The following IQCK variants were observed in gnomAD, a reference collection of about 807,000 sequenced individuals.
IQCK encodes IQ motif containing K.
Under a neutral mutation model 28.1 loss-of-function variants are expected in IQCK, and 29 were observed. That is an observed-to-expected ratio of 1.03 (90% confidence interval 0.77 to 1.41). The LOEUF is 1.41. Among genes scored for constraint, IQCK ranks in the 40% most tolerant of loss-of-function variants. The pLI is 0.00. For missense variants in IQCK, 359 were observed against 314.7 expected, an observed-to-expected ratio of 1.14 and a Z score of -1.07; for synonymous variants, 113 against 115.1, an observed-to-expected ratio of 0.98 and a Z score of 0.12.
intron 4 of IQCK, 43 bp downstream of exon 4, chr16:19,735,493 C>G (rs770352550): frequency 7.2e-7 from 1 of 1,395,806 alleles, no homozygotes; most frequent in South Asian, 1.2e-5. Context: ...GATTCTCAAT[C>G]ATTCATTATT....
chr16:19,758,536 T>C (rs1469064376), intron 4 of IQCK, among the ~76,000 whole-genome samples: 8 of 152,242 alleles, frequency 5.3e-5, no homozygotes, highest in Admixed American at 2.6e-4. Flanking sequence ...ATGCATCTTT[T>C]GTAGGGCGGG....
chr16:19,761,659 G>A (rs1486995958), intron 4 of IQCK: 2 of 285,144 alleles, frequency 7.0e-6, no homozygotes, highest in Admixed American at 9.3e-5. Context: ...AACTTGAAAT[G>A]GAAATAGAAG....
chr16:19,729,585 A>T (rs946798863), intron 1 of IQCK, among the ~76,000 whole-genome samples: 2 of 152,078 alleles, frequency 1.3e-5, no homozygotes, highest in Non-Finnish European at 2.9e-5. Context: ...CGACTCTTTC[A>T]TGTAAGAGAC....
At position 19,729,593 on chromosome 16, in the gene IQCK, G is replaced by C. The variant is rs190899282; in HGVS notation, c.182-837G>C. On this transcript the variant is annotated intron_variant, in intron 1 of 7. Transcript: ENST00000564186. ...AAAGCGTCGACTCTTTCATGTAAGAGACCAACCATCTCTTACCGACTTTAT... is the reference window on the plus strand; with the variant it reads ...AAAGCGTCGACTCTTTCATGTAAGACACCAACCATCTCTTACCGACTTTAT... 1.9e-3 allele frequency among the ~76,000 whole-genome samples: 294 copies of C among 151,976 alleles called. 2 individuals carry two copies. The highest frequency in any genetic ancestry group is 6.2e-3 in the African/African-American group (259 of 41,480).
intron 7 of IQCK, among the ~76,000 whole-genome samples, chr16:19,812,745 A>G (rs1229778233): frequency 6.6e-6 from 1 of 152,224 alleles, no homozygotes; most frequent in African/African-American, 2.4e-5. Flanking sequence ...AAGAGTGGCA[A>G]TTTGAGACTA....
chr16:19,830,302 ATTC>A (rs1292553177), downstream of IQCK, among the ~76,000 whole-genome samples: 1 of 152,108 alleles, frequency 6.6e-6, no homozygotes, highest in Non-Finnish European at 1.5e-5. Flanking sequence ...GTTGGTCTGT[ATTC>A]TTTGGATTTG....
intron 2 of IQCK, among the ~76,000 whole-genome samples, chr16:19,732,904 TATG>T (rs1977886363): frequency 6.6e-6 from 1 of 152,222 alleles, no homozygotes; most frequent in Non-Finnish European, 1.5e-5. Flanking sequence ...AACACAGCTT[TATG>T]ATATCGAAGG....
At chr16:19,831,597 C>T (rs191268226), downstream of IQCK, among the ~76,000 whole-genome samples, 3 of 151,792 alleles carry the variant, frequency 2.0e-5, no homozygotes, top group East Asian at 3.9e-4. Flanking sequence ...GCTAGTTCTC[C>T]TTTAGACTTG....
intron 7 of IQCK, among the ~76,000 whole-genome samples, chr16:19,814,376 G>A (rs1340807611): frequency 6.6e-6 from 1 of 152,028 alleles, no homozygotes; most frequent in Non-Finnish European, 1.5e-5. Flanking sequence ...TCGCACTCCA[G>A]CCTGGGTGAC....
At chr16:19,817,771 C>A (rs2056009316) in intron 7 of IQCK, among the ~76,000 whole-genome samples, 1 of 152,180 alleles carries the variant, frequency 6.6e-6, no homozygotes, top group African/African-American at 2.4e-5. Flanking sequence ...TAAAACAATA[C>A]ATGCTCATTG....
chr16:19,772,088 T>G (rs1423090479), intron 6 of IQCK, among the ~76,000 whole-genome samples: 1 of 152,166 alleles, frequency 6.6e-6, no homozygotes, highest in Non-Finnish European at 1.5e-5. Flanking sequence ...GCAAAGCTAC[T>G]CTAGTAAAAG....
At chr16:19,738,153 C>T (rs1371712573) in intron 4 of IQCK, among the ~76,000 whole-genome samples, 1 of 152,172 alleles carries the variant, frequency 6.6e-6, no homozygotes, top group Non-Finnish European at 1.5e-5. Flanking sequence ...GTCAATGCTA[C>T]CCAATGCCTA....
chr16:19,784,268 G>C (rs1209814978), intron 6 of IQCK, among the ~76,000 whole-genome samples: 2 of 151,926 alleles, frequency 1.3e-5, no homozygotes, highest in Admixed American at 1.3e-4. Context: ...ACACTCAGCA[G>C]CTGCTAGACC....
At chr16:19,815,511 C>G (rs1232333913) in intron 7 of IQCK, among the ~76,000 whole-genome samples, 1 of 151,956 alleles carries the variant, frequency 6.6e-6, no homozygotes, top group Non-Finnish European at 1.5e-5. Context: ...CAAAACAAAA[C>G]AAAACAAAAC....
intron 9 of IQCK, among the ~76,000 whole-genome samples, chr16:19,833,023 T>C (rs1297848703): frequency 6.6e-6 from 1 of 152,200 alleles, no homozygotes; most frequent in Non-Finnish European, 1.5e-5. Flanking sequence ...AGCCGTATCA[T>C]ACATACTGTG....
chr16:19,754,095 T>C (rs1465274944), intron 4 of IQCK, among the ~76,000 whole-genome samples: 3 of 152,106 alleles, frequency 2.0e-5, no homozygotes, highest in African/African-American at 7.2e-5. Flanking sequence ...ACCTGCCTTA[T>C]CAGGGTTCAC....
chr16:19,736,928 G>C (rs1013690628), intron 4 of IQCK, among the ~76,000 whole-genome samples: 1 of 150,316 alleles, frequency 6.7e-6, no homozygotes, highest in Non-Finnish European at 1.5e-5. Context: ...CAGAAGGATT[G>C]TCTGAGCCCA....
At chr16:19,758,114 T>C (rs1203341360) in intron 4 of IQCK, among the ~76,000 whole-genome samples, 1 of 152,242 alleles carries the variant, frequency 6.6e-6, no homozygotes, top group African/African-American at 2.4e-5. Flanking sequence ...TCAGTGTATT[T>C]GCCCACATTA....
intron 7 of IQCK, among the ~76,000 whole-genome samples, chr16:19,799,557 C>T (rs1311211269): frequency 8.2e-6 from 1 of 121,916 alleles, no homozygotes; most frequent in Non-Finnish European, 1.6e-5. Context: ...AGGCATGAGC[C>T]ACCACACCTG....
Sources: allele counts gnomAD v4.1 joint callset (sites outside exome capture counted in the v4.1 genomes callset), GRCh38; gene constraint gnomAD v4.1.1; transcripts MANE v1.5; gene names NCBI Gene and HGNC (gene_info 2026-07-23, HGNC 2026-07-21).